Variants in MKLN1 observed in about 807,000 individuals in gnomAD.
The protein encoded by MKLN1 is muskelin 1.
MKLN1 carries 18 observed loss-of-function variants against 99.0 expected under a neutral mutation model. That is an observed-to-expected ratio of 0.18 (90% CI 0.13 to 0.27). The LOEUF is 0.27. MKLN1 is among the 10% of genes least tolerant of loss of function. MKLN1 has a pLI of 1.00. For synonymous variants in MKLN1, 288 were observed against 293.2 expected (o/e 0.98, Z 0.18); for missense variants, 621 against 875.9 (o/e 0.71, Z 3.67).
At chr7:131,444,787 T>A (rs553103789) in intron 11 of MKLN1, among the ~76,000 whole-genome samples, 2 of 146,526 alleles carry the variant, frequency 1.4e-5, no homozygotes, top group African/African-American at 2.5e-5. Context: ...GTAGTAGTAG[T>A]AGTAGTAGTA....
intron 1 of MKLN1, among the ~76,000 whole-genome samples, chr7:131,340,238 G>A (rs968554337): frequency 7.2e-6 from 1 of 138,366 alleles, no homozygotes; most frequent in African/African-American, 2.7e-5. Context: ...ATAGCAGTGT[G>A]TACCTATCTA....
chr7:131,262,787 C>A (rs1280281690), intron 3 of MKLN1, among the ~76,000 whole-genome samples: 38 of 152,018 alleles, frequency 2.5e-4, no homozygotes, highest in Admixed American at 2.4e-3. Context: ...ACCTCGTGAT[C>A]CGCCCACCTC....
chr7:131,223,373 G>A (rs1584847623), intron 3 of MKLN1, among the ~76,000 whole-genome samples: 1 of 152,320 alleles, frequency 6.6e-6, no homozygotes, highest in Middle Eastern at 3.4e-3. Flanking sequence ...CAGGTACTCT[G>A]CTAATCCTCT....
intron 2 of MKLN1, among the ~76,000 whole-genome samples, chr7:131,151,299 AC>A (rs1274469191): frequency 1.3e-5 from 2 of 152,194 alleles, no homozygotes; most frequent in Non-Finnish European, 2.9e-5. Flanking sequence ...TTGCTAAGAA[AC>A]CTTTTCTCAT....
At chr7:131,196,533 T>G (rs1456791115) in intron 2 of MKLN1, among the ~76,000 whole-genome samples, 2 of 152,166 alleles carry the variant, frequency 1.3e-5, no homozygotes, top group Non-Finnish European at 2.9e-5. Flanking sequence ...ATTCATTTTT[T>G]TTTTTCCAAA....
chr7:131,254,085 T>C (rs774882946), intron 3 of MKLN1, among the ~76,000 whole-genome samples: 21 of 152,126 alleles, frequency 1.4e-4, no homozygotes, highest in Non-Finnish European at 2.8e-4. Flanking sequence ...CTAGGGCTTA[T>C]ACCAACAGAG....
chr7:131,232,716 G>A (rs1347319372), intron 3 of MKLN1, among the ~76,000 whole-genome samples: 1 of 152,136 alleles, frequency 6.6e-6, no homozygotes, highest in East Asian at 1.9e-4. Context: ...ACATACACGA[G>A]TTTACCAGCA....
intron 3 of MKLN1, among the ~76,000 whole-genome samples, chr7:131,286,834 G>A (rs901601020): frequency 2.0e-5 from 3 of 152,206 alleles, no homozygotes; most frequent in East Asian, 3.8e-4. Context: ...GGCCAGGCAC[G>A]GTGGCTCACA....
At chr7:131,225,152 T>C (rs1390128637) in intron 3 of MKLN1, among the ~76,000 whole-genome samples, 1 of 151,772 alleles carries the variant, frequency 6.6e-6, no homozygotes, top group African/African-American at 2.4e-5. Flanking sequence ...TAAAATACCA[T>C]AGACTGGATG....
At chr7:131,186,560 G>T (rs1323880457) in intron 2 of MKLN1, among the ~76,000 whole-genome samples, 1 of 152,126 alleles carries the variant, frequency 6.6e-6, no homozygotes, top group Non-Finnish European at 1.5e-5. Context: ...GTGTTGAGAG[G>T]TAAAAACAAA....
chr7:131,267,246 T>C (rs1402596991), intron 3 of MKLN1, among the ~76,000 whole-genome samples: 1 of 152,006 alleles, frequency 6.6e-6, no homozygotes, highest in South Asian at 2.1e-4. Flanking sequence ...AGCAGGAGAA[T>C]TGCTTGAACC....
At chr7:131,416,908 A>G (rs1210086468) in intron 8 of MKLN1, among the ~76,000 whole-genome samples, 1 of 148,752 alleles carries the variant, frequency 6.7e-6, no homozygotes, top group African/African-American at 2.5e-5. Context: ...GCTTGAGCCC[A>G]GGATTGGAGG....
At chr7:131,426,757 G>GTC (rs1795369030) in intron 8 of MKLN1, among the ~76,000 whole-genome samples, 1 of 150,670 alleles carries the variant, frequency 6.6e-6, no homozygotes, top group Non-Finnish European at 1.5e-5. Context: ...ATGTTTTCAT[G>GTC]TAACTTTTTT....
intron 2 of MKLN1, among the ~76,000 whole-genome samples, chr7:131,176,555 GC>G (rs1040318419): frequency 2.6e-5 from 4 of 152,112 alleles, no homozygotes; most frequent in Non-Finnish European, 4.4e-5. Context: ...CCAGCAATAA[GC>G]AAAAATAAAG....
chr7:131,368,604 T>TGA (rs1800250948), intron 1 of MKLN1, among the ~76,000 whole-genome samples: 1 of 152,088 alleles, frequency 6.6e-6, no homozygotes, highest in African/African-American at 2.4e-5. Flanking sequence ...TCAGATCTTG[T>TGA]GAGAAGTCAC....
intron 1 of MKLN1, among the ~76,000 whole-genome samples, chr7:131,357,378 G>GT (rs1799913299): frequency 6.6e-6 from 1 of 152,100 alleles, no homozygotes; most frequent in African/African-American, 2.4e-5. Context: ...TCCCTGAGGT[G>GT]GTGTTTGTCA....
intron 1 of MKLN1, among the ~76,000 whole-genome samples, chr7:131,364,296 C>T (rs1054602446): frequency 2.0e-5 from 3 of 152,030 alleles, no homozygotes; most frequent in Non-Finnish European, 2.9e-5. Context: ...TCAGCATTCC[C>T]CCTTCCCACA....
intron 9 of MKLN1, among the ~76,000 whole-genome samples, chr7:131,432,189 G>A (rs1216699558): frequency 6.6e-6 from 1 of 152,034 alleles, no homozygotes. Flanking sequence ...TGAGTAAGTA[G>A]GTGAGGTAAG....
At chr7:131,350,971 C>T (rs1799703070) in intron 1 of MKLN1, among the ~76,000 whole-genome samples, 1 of 152,148 alleles carries the variant, frequency 6.6e-6, no homozygotes, top group Admixed American at 6.5e-5. Flanking sequence ...CAATTAATAC[C>T]TAGTCCATAT....
Sources: gnomAD v4.1 joint callset for allele counts (sites outside exome capture counted in the v4.1 genomes callset) on GRCh38, gnomAD v4.1.1 for gene constraint, MANE v1.5 for transcripts, NCBI Gene and HGNC (gene_info 2026-07-23, HGNC 2026-07-21) for gene names.